MAPK8IP1: variants seen among roughly 807,000 people sequenced by gnomAD.
MAPK8IP1 encodes C-Jun-amino-terminal kinase-interacting protein 1.
A neutral mutation model predicts 72.6 loss-of-function variants in MAPK8IP1; 17 were observed. That is an observed-to-expected ratio of 0.23 (90% CI 0.16 to 0.35). The LOEUF (loss-of-function observed/expected upper bound fraction) is 0.35. Ranked by LOEUF, MAPK8IP1 falls within the 10% of genes least tolerant of loss-of-function variation. The pLI, the probability that MAPK8IP1 is intolerant of heterozygous loss-of-function variation, is 1.00. For missense variants in MAPK8IP1, 789 were observed against 1,009.7 expected (o/e 0.78, Z 2.96); for synonymous variants, 401 against 443.4 (o/e 0.90, Z 1.20).
chr11:45,903,577 G>GTGTCCAC lies in MAPK8IP1; in HGVS notation c.1493+139_1493+145dup. 1 of 771,182 alleles carries GTGTCCAC rather than the reference G, an allele frequency of 1.3e-6. No individual in the cohort carries two copies. The highest frequency in any genetic ancestry group is 2.2e-6 in the Non-Finnish European group (1 of 451,684). The allele number at this position is 771,182 out of a possible 1,614,324, so 47.8% of individuals were successfully genotyped here. On this transcript the variant is annotated intron_variant, in intron 6 of 11. Coordinates refer to ENST00000241014, the MANE Select transcript of MAPK8IP1 (RefSeq NM_005456.4). The surrounding 1 kb of genome is among the most constrained non-coding windows in gnomAD (Gnocchi z 6.4). ...TTATCCACTCAGCCCTGGGAGGACA[G>GTGTCCAC]TGTCCACTCTCTAGGGACTCAGAGT...
At position 45,903,582 on chromosome 11, in the gene MAPK8IP1, C is replaced by T. The variant is rs2086676239; in HGVS notation, c.1493+142C>T. On this transcript the variant is annotated intron_variant, in intron 6 of 11. Transcript: ENST00000241014. The surrounding 1 kb of genome is among the most constrained non-coding windows in gnomAD (Gnocchi z 6.4). ...CACTCAGCCCTGGGAGGACAGTGTC[C>T]ACTCTCTAGGGACTCAGAGTATGGT... 2 of 755,928 alleles carry T rather than the reference C, an allele frequency of 2.6e-6. No individual in the cohort carries two copies. The highest frequency in any genetic ancestry group is 2.3e-4 in the Middle Eastern group (1 of 4,426). The allele number at this position is 755,928 out of a possible 1,614,324, so 46.8% of individuals were successfully genotyped here. A position where few individuals can be genotyped will look rare whatever the true frequency, so the allele number is the denominator to read the frequency against.
chr11:45,902,588 G>A lies in MAPK8IP1; in HGVS notation c.821G>A (p.Arg274Gln), dbSNP rs768897958. Residue 274 changes from arginine to glutamine, a missense_variant, in exon 5 of 12, where the codon CGA becomes CAA. Transcript: ENST00000241014. The surrounding 1 kb of genome is among the most constrained non-coding windows in gnomAD (Gnocchi z 9.3). ...RDRIHYQADVRLEATEEIYLT... is the reference protein window; with the variant it reads ...RDRIHYQADVQLEATEEIYLT... Reference sequence around the variant, plus strand: ...CGAATCCACTACCAGGCCGATGTGCGACTAGAGGCCACTGAGGAGATCTAC... The same window carrying A: ...CGAATCCACTACCAGGCCGATGTGCAACTAGAGGCCACTGAGGAGATCTAC... The A allele has an allele frequency of 3.1e-6, 5 of 1,612,836 alleles. No homozygotes were observed. Among genetic ancestry groups the A allele is most frequent in the South Asian group, 2.2e-5 (2 of 91,072 alleles).
rs1429438081 is a variant in MAPK8IP1, at chr11:45,900,110, C to A, written c.208-28C>A. 5.8e-6 allele frequency: 7 copies of A among 1,197,828 alleles called. No individual in the cohort carries two copies. The highest frequency in any genetic ancestry group is 3.2e-5 in the African/African-American group (2 of 62,766). 74.2% of individuals were successfully genotyped at this position (1,197,828 alleles called of 1,614,324 possible). ...GCCTCGGCCCCGCCCCGGCCCCGCC[C>A]CCTGACGCCCCTCCGTGCGCTGTGC... On this transcript the variant is annotated intron_variant, in intron 2 of 11. Transcript: ENST00000241014. This position sits in a 1 kb window ranked among gnomAD's most constrained non-coding sequence, Gnocchi z 6.5.
Position 45,902,370 on chromosome 11 carries a change from A to T in MAPK8IP1, c.605-2A>T. On this transcript the variant is annotated splice_acceptor_variant, in intron 4 of 11. Coordinates refer to ENST00000241014, the MANE Select transcript of MAPK8IP1 (RefSeq NM_005456.4). LOFTEE classifies it high-confidence loss of function. The surrounding 1 kb of genome is among the most constrained non-coding windows in gnomAD (Gnocchi z 9.3). ...TGCCTTCATGACCTGCCTGCTCTCC[A>T]GGGGAGCAGACACCACCGCATGAAC... 1 of 1,559,212 alleles carries T rather than the reference A, an allele frequency of 6.4e-7. No homozygotes were observed. The highest frequency in any genetic ancestry group is 8.7e-7 in the Non-Finnish European group (1 of 1,151,794).
intron 1 of MAPK8IP1, 140 bp from the exon 2 acceptor site, chr11:45,897,945 T>C (rs2086620654): frequency 1.5e-6 from 1 of 657,504 alleles, no homozygotes; most frequent in African/African-American, 1.8e-5. Context: ...ACCCCCTGCA[T>C]TGATACAGAT....
Position 45,902,632 on chromosome 11 carries a change from C to T in MAPK8IP1, c.865C>T (p.Pro289Ser). 6.2e-7 allele frequency: 1 copy of T among 1,612,896 alleles called. No individual in the cohort carries two copies. The highest frequency in any genetic ancestry group is 8.5e-7 in the Non-Finnish European group (1 of 1,179,914). ...EEIYLTPVQR[P>S]PDAAEPTSAF... ...GATCTACCTGACCCCAGTGCAGAGG[C>T]CCCCAGACGCTGCAGAGCCCACCTC... is the stretch of plus-strand genomic sequence containing the variant. The change falls in exon 5 of 12, where the codon CCC (proline) becomes TCC (serine). Residue 289 changes from proline to serine, a missense_variant. By Grantham distance (74) the Pro-to-Ser change is moderately conservative (BLOSUM62 -1). Transcript: ENST00000241014. The surrounding 1 kb of genome is among the most constrained non-coding windows in gnomAD (Gnocchi z 9.3).
At position 45,885,940 on chromosome 11, in the gene MAPK8IP1, C is replaced by T; in HGVS notation, c.101+19C>T. ...ATTTCAGGTGAGAGTCCCCGGCCGC[C>T]GCGCGCCTCGCCCTTCAGCGGGGAC... is the stretch of plus-strand genomic sequence containing the variant. On this transcript the variant is annotated intron_variant, in intron 1 of 11. Transcript: ENST00000241014. The T allele has an allele frequency of 2.8e-6, 4 of 1,445,888 alleles. No individual in the cohort carries two copies. The highest frequency in any genetic ancestry group is 3.7e-6 in the Non-Finnish European group (4 of 1,088,486). The allele number at this position is 1,445,888 out of a possible 1,614,324, so 89.6% of individuals were successfully genotyped here.
chr11:45,895,632 AAATATAT>A (rs1304998079), intron 1 of MAPK8IP1, among the ~76,000 whole-genome samples: 93 of 28,604 alleles, frequency 3.3e-3, no homozygotes, highest in African/African-American at 6.5e-3. Flanking sequence ...AAAAAAAAAA[AAATATAT>A]ATATATATAT....
intron 1 of MAPK8IP1, among the ~76,000 whole-genome samples, chr11:45,892,657 A>G (rs887938140): frequency 6.6e-6 from 1 of 152,082 alleles, no homozygotes; most frequent in East Asian, 1.9e-4. Flanking sequence ...AGGAGGAGAT[A>G]AAGGTGGGAG....
At chr11:45,885,991 C>A in intron 1 of MAPK8IP1, 70 bp downstream of exon 1, 1 of 833,974 alleles carries the variant, frequency 1.2e-6, no homozygotes, top group Non-Finnish European at 1.6e-6. Flanking sequence ...GCCCTGCCCG[C>A]CCCCCACCCC....
intron 1 of MAPK8IP1, among the ~76,000 whole-genome samples, chr11:45,895,509 A>G (rs1217681595): frequency 6.6e-6 from 1 of 151,800 alleles, no homozygotes; most frequent in African/African-American, 2.4e-5. Context: ...AATCCCAGCT[A>G]CTCAAGAGGC....
chr11:45,889,865 C>T (rs988078675), intron 1 of MAPK8IP1, among the ~76,000 whole-genome samples: 2 of 152,076 alleles, frequency 1.3e-5, no homozygotes, highest in Non-Finnish European at 2.9e-5. Context: ...ACTCAACAAA[C>T]GTTTGCACTT....
intron 1 of MAPK8IP1, among the ~76,000 whole-genome samples, chr11:45,892,281 G>T (rs945986022): frequency 1.3e-5 from 2 of 152,188 alleles, no homozygotes; most frequent in African/African-American, 4.8e-5. Context: ...TGACATCCTA[G>T]CCCAGACTCT....
Position 45,897,981 on chromosome 11 carries a change from G to A in MAPK8IP1, c.102-104G>A, listed in dbSNP as rs1048233506. 1.4e-5 allele frequency: 10 copies of A among 718,206 alleles called. No homozygotes were observed. The African/African-American group carries it at 1.4e-4, about 10-fold the overall frequency. The allele number at this position is 718,206 out of a possible 1,614,324, so 44.5% of individuals were successfully genotyped here. ...GAACCCCAAATCCTGTCCTCTGGGG[G>A]CTGTGTTTGGCCTTCAAGAGGCTGC... On this transcript the variant is annotated intron_variant, in intron 1 of 11. Transcript: ENST00000241014.
intron 1 of MAPK8IP1, among the ~76,000 whole-genome samples, chr11:45,888,240 T>G (rs2086542233): frequency 6.6e-6 from 1 of 152,180 alleles, no homozygotes; most frequent in South Asian, 2.1e-4. Context: ...TACCCAAACT[T>G]TGGTATCCCC....
chr11:45,891,761 T>A (rs1163307181), intron 1 of MAPK8IP1, among the ~76,000 whole-genome samples: 1 of 152,238 alleles, frequency 6.6e-6, no homozygotes, highest in Non-Finnish European at 1.5e-5. Flanking sequence ...AGTTGTCACC[T>A]TAATACACAG....
intron 1 of MAPK8IP1, chr11:45,896,496 G>C (rs887376677): frequency 8.7e-6 from 9 of 1,037,046 alleles, no homozygotes; most frequent in African/African-American, 6.7e-5. Flanking sequence ...AGGGAGGGGG[G>C]GCCACTCAGC....
intron 2 of MAPK8IP1, 35 bp downstream of exon 2, chr11:45,898,225 T>A: frequency 6.7e-7 from 1 of 1,486,672 alleles, no homozygotes; most frequent in South Asian, 1.1e-5. Flanking sequence ...CTGAGTGGGG[T>A]GGCAGGAAGG....
At chr11:45,897,363 C>G (rs1441588032) in intron 1 of MAPK8IP1, among the ~76,000 whole-genome samples, 1 of 152,134 alleles carries the variant, frequency 6.6e-6, no homozygotes, top group Admixed American at 6.5e-5. Flanking sequence ...TTCTGGTGCC[C>G]TGGTGCTCTG....
Sources: gnomAD v4.1 joint callset for allele counts (sites outside exome capture counted in the v4.1 genomes callset) on GRCh38, gnomAD v4.1.1 for gene constraint, Gnocchi (gnomAD v3.1) non-coding constraint, MANE v1.5 for transcripts, NCBI Gene and HGNC (gene_info 2026-07-23, HGNC 2026-07-21) for gene names.